DOCK8: variants seen among roughly 807,000 people sequenced by gnomAD.
DOCK8 encodes the protein dedicator of cytokinesis 8.
DOCK8 carries 141 observed loss-of-function variants against 245.6 expected under a neutral mutation model. The ratio of observed to expected loss-of-function variants is 0.57; its 90% confidence interval spans 0.50 to 0.66. The LOEUF (loss-of-function observed/expected upper bound fraction) is 0.66. DOCK8 is among the 30% of genes least tolerant of loss of function. The probability of loss-of-function intolerance (pLI) is 0.00; values close to 1 mark genes in which losing one functional copy is unlikely to be tolerated. For missense variants in DOCK8, 2,965 were observed against 2,603.4 expected (o/e 1.14, Z -3.02); for synonymous variants, 1,168 against 970.2 (o/e 1.20, Z -3.79).
intron 1 of DOCK8, among the ~76,000 whole-genome samples, chr9:237,690 G>A (rs2047287421): frequency 6.6e-6 from 1 of 152,040 alleles, no homozygotes; most frequent in East Asian, 1.9e-4. Context: ...CTAATTGCAG[G>A]CAAGGCCACA....
intron 5 of DOCK8, among the ~76,000 whole-genome samples, chr9:308,327 A>C (rs2049939945): frequency 6.6e-6 from 1 of 152,248 alleles, no homozygotes; most frequent in Non-Finnish European, 1.5e-5. Context: ...AAATAGGTAC[A>C]ACTATTATGT....
chr9:400,016 C>CCACCTCCTTCACCATCACCAG (rs1564011480), intron 26 of DOCK8, among the ~76,000 whole-genome samples: 1 of 103,370 alleles, frequency 9.7e-6, no homozygotes, highest in African/African-American at 3.4e-5. Context: ...TCCACCATCA[C>CCACCTCCTTCACCATCACCAG]CACCACCTCC....
At chr9:213,612 C>G (rs1445965970), upstream of DOCK8, 2 of 152,154 alleles carry the variant, frequency 1.3e-5, no homozygotes, top group Non-Finnish European at 2.9e-5. Flanking sequence ...GTACATTTTA[C>G]ACATCCAGCA....
chr9:449,069 G>A (rs556387419), intron 44 of DOCK8, among the ~76,000 whole-genome samples: 13 of 152,326 alleles, frequency 8.5e-5, no homozygotes, highest in Non-Finnish European at 1.8e-4. Context: ...AGTAACATGA[G>A]GCTGTGTGCG....
upstream of DOCK8, chr9:214,812 C>A: frequency 6.3e-7 from 1 of 1,594,194 alleles, no homozygotes; most frequent in Non-Finnish European, 8.5e-7. Context: ...GGACCCTCCC[C>A]CGGGGTGATT....
rs113245951 is a variant in DOCK8, at chr9:399,297, C to T, written c.3234+38C>T. ...CCCACCCCCACCCCCGAGCGAGCCA[C>T]TTGGTTCCTTCTCATATAATGTGAT... is the stretch of plus-strand genomic sequence containing the variant. On this transcript the variant is annotated intron_variant, in intron 26 of 47. Coordinates refer to ENST00000432829, the MANE Select transcript of DOCK8 (RefSeq NM_203447.4). 2.4e-3 allele frequency: 3,413 copies of T among 1,433,334 alleles called. 57 individuals are homozygous for T. In the African/African-American group the frequency reaches 0.042, roughly 18 times the overall value. The allele number at this position is 1,433,334 out of a possible 1,614,324, so 88.8% of individuals were successfully genotyped here. A position where few individuals can be genotyped will look rare whatever the true frequency, so the allele number is the denominator to read the frequency against.
chr9:269,853 C>T (rs1587695206), intron 1 of DOCK8, among the ~76,000 whole-genome samples: 2 of 152,170 alleles, frequency 1.3e-5, no homozygotes, highest in African/African-American at 4.8e-5. Context: ...CCACCACACA[C>T]TGCCAGAAGT....
At chr9:352,754 C>T (rs1370191605) in intron 14 of DOCK8, among the ~76,000 whole-genome samples, 12 of 48,112 alleles carry the variant, frequency 2.5e-4, no homozygotes, top group African/African-American at 5.4e-4. Context: ...AAAAAAGTGC[C>T]GATACTTTAT....
At chr9:356,529 C>CAAAAA (rs71482278) in intron 14 of DOCK8, among the ~76,000 whole-genome samples, 1 of 130,126 alleles carries the variant, frequency 7.7e-6, no homozygotes, top group Non-Finnish European at 1.6e-5. Flanking sequence ...GACTCTGTCT[C>CAAAAA]AAAAAAAAAA....
chr9:235,732 C>T (rs760841413), intron 1 of DOCK8, among the ~76,000 whole-genome samples: 1 of 152,124 alleles, frequency 6.6e-6, no homozygotes, highest in Non-Finnish European at 1.5e-5. Flanking sequence ...CCTGGTGTGC[C>T]GTTTTTTAAG....
chr9:265,958 T>A (rs1227073627), intron 1 of DOCK8, among the ~76,000 whole-genome samples: 1 of 152,202 alleles, frequency 6.6e-6, no homozygotes, highest in African/African-American at 2.4e-5. Context: ...CAATGAGTTT[T>A]CATTCTTTTT....
At chr9:346,266 G>A (rs868719809) in intron 14 of DOCK8, among the ~76,000 whole-genome samples, 6 of 152,180 alleles carry the variant, frequency 3.9e-5, no homozygotes, top group Non-Finnish European at 7.3e-5. Context: ...GAACACATTT[G>A]CACCAACTCC....
At chr9:271,291 T>G (rs750728272) in intron 1 of DOCK8, among the ~76,000 whole-genome samples, 5 of 152,176 alleles carry the variant, frequency 3.3e-5, no homozygotes, top group Non-Finnish European at 7.4e-5. Flanking sequence ...CCAGACATCC[T>G]CACATAGAGA....
At position 328,077 on chromosome 9, in the gene DOCK8, G is replaced by A. The variant is rs191413750; in HGVS notation, c.950G>A (p.Arg317Gln). Residue 317 changes from arginine to glutamine, a missense_variant, in exon 9 of 48, where the codon CGA (arginine) becomes CAA (glutamine). Physicochemically the swap from Arg to Gln is conservative, Grantham distance 43. Coordinates refer to ENST00000432829, the MANE Select transcript of DOCK8 (RefSeq NM_203447.4). ...LNSDQFKGFL[R>Q]AHTPSVAASS... ...TCTGACCAGTTCAAAGGATTTCTGC[G>A]AGCTCACACGCCTTCAGTGGCCGCA... The A allele has an allele frequency of 6.3e-5, 101 of 1,614,084 alleles. No individual in the cohort carries two copies. In the Admixed American group the frequency reaches 8.3e-4, roughly 13 times the overall value.
chr9:273,370 T>G (rs2048219717), intron 2 of DOCK8, among the ~76,000 whole-genome samples: 2 of 152,178 alleles, frequency 1.3e-5, no homozygotes, highest in African/African-American at 2.4e-5. Context: ...TAGATAAGCT[T>G]TACACCAAGA....
chr9:392,113 G>A (rs1586881166), intron 24 of DOCK8, among the ~76,000 whole-genome samples: 1 of 150,366 alleles, frequency 6.7e-6, no homozygotes, highest in Admixed American at 6.6e-5. Context: ...ACTGCAGCCT[G>A]GGCAAAAAGA....
At chr9:451,340 T>C (rs2057428804) in intron 45 of DOCK8, among the ~76,000 whole-genome samples, 1 of 148,858 alleles carries the variant, frequency 6.7e-6, no homozygotes, top group Non-Finnish European at 1.5e-5. Flanking sequence ...AAAATAAATT[T>C]GGGCTGTGTA....
At chr9:239,139 A>C (rs1332235468) in intron 1 of DOCK8, among the ~76,000 whole-genome samples, 1 of 152,208 alleles carries the variant, frequency 6.6e-6, no homozygotes, top group African/African-American at 2.4e-5. Flanking sequence ...TGAATGAAAC[A>C]ATGTTATTTG....
intron 1 of DOCK8, among the ~76,000 whole-genome samples, chr9:265,245 T>C (rs2048010200): frequency 9.3e-6 from 1 of 107,270 alleles, no homozygotes; most frequent in Non-Finnish European, 1.9e-5. Context: ...ACCTTGATTT[T>C]TAAAAAAATA....
Sources: gnomAD v4.1 joint callset for allele counts (sites outside exome capture counted in the v4.1 genomes callset) on GRCh38, gnomAD v4.1.1 for gene constraint, MANE v1.5 for transcripts, NCBI Gene and HGNC (gene_info 2026-07-23, HGNC 2026-07-21) for gene names.